The following ANKS1B variants were observed in gnomAD, a reference collection of about 807,000 sequenced individuals.
ANKS1B encodes the protein ankyrin repeat and sterile alpha motif domain containing 1B.
ANKS1B carries 36 observed loss-of-function variants against 148.3 expected under a neutral mutation model. The ratio of observed to expected loss-of-function variants is 0.24; its 90% CI spans 0.19 to 0.32. The LOEUF (loss-of-function observed/expected upper bound fraction) is 0.32. Ranked by LOEUF, ANKS1B falls within the 10% of genes least tolerant of loss-of-function variation. The pLI, the probability that ANKS1B is intolerant of heterozygous loss-of-function variation, is 1.00. For synonymous variants in ANKS1B, 542 were observed against 560.8 expected, an observed-to-expected ratio of 0.97 and a Z score of 0.47; for missense variants, 1,157 against 1,542.6, an observed-to-expected ratio of 0.75 and a Z score of 4.19.
chr12:98,861,951 C>A (rs377000435), intron 17 of ANKS1B, among the ~76,000 whole-genome samples: 157 of 152,030 alleles, frequency 1.0e-3, no homozygotes, highest in African/African-American at 3.7e-3. Flanking sequence ...TCTCTTATGA[C>A]AGATGAGTTT....
intron 1 of ANKS1B, among the ~76,000 whole-genome samples, chr12:99,850,281 G>GTCTCTCACTCTCTC (rs57015094): frequency 8.8e-6 from 1 of 114,206 alleles, no homozygotes; most frequent in African/African-American, 3.6e-5. Flanking sequence ...AAGCAAGAAA[G>GTCTCTCACTCTCTC]TCTCTCTCTC....
At chr12:98,805,969 T>C (rs1354745490) in intron 20 of ANKS1B, among the ~76,000 whole-genome samples, 1 of 152,154 alleles carries the variant, frequency 6.6e-6, no homozygotes, top group African/African-American at 2.4e-5. Flanking sequence ...CTTCCTAGGG[T>C]CCAGTGATCC....
chr12:99,218,109 C>T (rs1270989657), intron 14 of ANKS1B, among the ~76,000 whole-genome samples: 2 of 152,026 alleles, frequency 1.3e-5, no homozygotes. Flanking sequence ...CTCTAGAGGC[C>T]ATATTAACAC....
At chr12:98,967,512 G>A (rs2099879227) in intron 17 of ANKS1B, among the ~76,000 whole-genome samples, 1 of 151,584 alleles carries the variant, frequency 6.6e-6, no homozygotes, top group Non-Finnish European at 1.5e-5. Context: ...GTGTTCTGGT[G>A]CTGTGATGTC....
intron 12 of ANKS1B, among the ~76,000 whole-genome samples, chr12:99,328,543 C>A (rs1204037637): frequency 6.6e-6 from 1 of 151,812 alleles, no homozygotes; most frequent in Non-Finnish European, 1.5e-5. Context: ...AAATAATTGG[C>A]CTTAGATTTA....
chr12:99,845,223 C>T (rs1755111806), intron 1 of ANKS1B, among the ~76,000 whole-genome samples: 1 of 152,184 alleles, frequency 6.6e-6, no homozygotes, highest in Admixed American at 6.5e-5. Context: ...ACCTTTATTT[C>T]TTTCTTTTGC....
chr12:99,865,344 GC>G (rs973153782), intron 1 of ANKS1B, among the ~76,000 whole-genome samples: 9 of 152,136 alleles, frequency 5.9e-5, no homozygotes, highest in African/African-American at 2.2e-4. Flanking sequence ...TTATAGATTG[GC>G]CCCCTGGACT....
intron 1 of ANKS1B, among the ~76,000 whole-genome samples, chr12:99,895,280 G>A (rs1181888421): frequency 6.7e-6 from 1 of 150,070 alleles, no homozygotes; most frequent in Non-Finnish European, 1.5e-5. Context: ...ATTAGTCAGG[G>A]TTCTCCAGAG....
At chr12:99,109,625 T>C (rs2059897399) in intron 15 of ANKS1B, among the ~76,000 whole-genome samples, 1 of 152,176 alleles carries the variant, frequency 6.6e-6, no homozygotes, top group African/African-American at 2.4e-5. Context: ...GATAATAATG[T>C]TATTTACTAT....
chr12:99,430,167 C>T (rs1335529261), intron 11 of ANKS1B, among the ~76,000 whole-genome samples: 1 of 151,818 alleles, frequency 6.6e-6, no homozygotes, highest in Non-Finnish European at 1.5e-5. Context: ...CCATGAAGAT[C>T]ACTCTGTGAT....
intron 9 of ANKS1B, among the ~76,000 whole-genome samples, chr12:99,546,161 T>C (rs1023443948): frequency 2.0e-5 from 3 of 152,166 alleles, no homozygotes; most frequent in African/African-American, 7.2e-5. Context: ...TGACAATTTA[T>C]AATTCATTCA....
intron 9 of ANKS1B, among the ~76,000 whole-genome samples, chr12:99,596,069 G>A (rs921569569): frequency 4.0e-5 from 6 of 151,722 alleles, no homozygotes; most frequent in Admixed American, 3.3e-4. Context: ...TAGACTCTTC[G>A]ATCTGAATAA....
intron 14 of ANKS1B, among the ~76,000 whole-genome samples, chr12:99,240,341 T>C (rs575270908): frequency 5.9e-4 from 90 of 152,268 alleles, no homozygotes; most frequent in African/African-American, 2.1e-3. Context: ...GGTAAACGGA[T>C]CAATTCAACA....
At position 98,744,281 on chromosome 12, in the gene ANKS1B, G is replaced by GTTAGT; in HGVS notation, c.*1453_*1457dup. Reference sequence around the variant, plus strand: ...CACTGAACTAAAACCGTATACATTTGTTAGTTTGAAATAAAATGTAGTTAT... The same window carrying GTTAGT: ...CACTGAACTAAAACCGTATACATTTGTTAGTTTAGTTTGAAATAAAATGTAGTTAT... On this transcript the variant is annotated 3_prime_UTR_variant, in exon 27 of 27. Coordinates refer to ENST00000683438, the MANE Select transcript of ANKS1B (RefSeq NM_001352186.2). The GTTAGT allele has an allele frequency of 1.1e-6, 1 of 934,478 alleles. No homozygotes were observed. The highest frequency in any genetic ancestry group is 1.3e-6 in the Non-Finnish European group (1 of 783,376). 57.9% of individuals were successfully genotyped at this position (934,478 alleles called of 1,614,324 possible). A position where few individuals can be genotyped will look rare whatever the true frequency, so the allele number is the denominator to read the frequency against.
intron 17 of ANKS1B, among the ~76,000 whole-genome samples, chr12:99,034,630 A>G (rs1189439616): frequency 6.6e-6 from 1 of 152,178 alleles, no homozygotes; most frequent in Non-Finnish European, 1.5e-5. Context: ...ATTTAATCCG[A>G]GGAGTCATGG....
intron 14 of ANKS1B, among the ~76,000 whole-genome samples, chr12:99,233,321 C>G (rs964898093): frequency 3.0e-4 from 46 of 152,040 alleles, no homozygotes; most frequent in African/African-American, 1.1e-3. Flanking sequence ...TATTAAAAAT[C>G]TGAGTTTCTA....
At chr12:99,895,161 T>G (rs1259527180) in intron 1 of ANKS1B, among the ~76,000 whole-genome samples, 1 of 150,816 alleles carries the variant, frequency 6.6e-6, no homozygotes, top group Non-Finnish European at 1.5e-5. Flanking sequence ...TAAAGCTGAT[T>G]ATTCTCCATA....
chr12:99,037,793 T>G (rs2099956459), intron 17 of ANKS1B, among the ~76,000 whole-genome samples: 2 of 152,120 alleles, frequency 1.3e-5, no homozygotes, highest in African/African-American at 4.8e-5. Context: ...ATGAAATAAT[T>G]TACATTCCTG....
At chr12:99,273,556 T>C (rs996117057) in intron 12 of ANKS1B, among the ~76,000 whole-genome samples, 1 of 148,670 alleles carries the variant, frequency 6.7e-6, no homozygotes, top group Non-Finnish European at 1.5e-5. Flanking sequence ...ATTATCAGAT[T>C]CTTTTTTTTT....
Sources: gnomAD v4.1 joint callset for allele counts (sites outside exome capture counted in the v4.1 genomes callset) on GRCh38, gnomAD v4.1.1 for gene constraint, MANE v1.5 for transcripts, NCBI Gene and HGNC (gene_info 2026-07-23, HGNC 2026-07-21) for gene names.